Variants in ADAM23 observed in about 807,000 individuals in gnomAD.
The protein encoded by ADAM23 is ADAM metallopeptidase domain 23.
A neutral mutation model predicts 120.1 loss-of-function variants in ADAM23; 33 were observed. The ratio of observed to expected loss-of-function variants is 0.27; its 90% CI spans 0.21 to 0.37. ADAM23 has a LOEUF of 0.37. Among genes scored for constraint, ADAM23 ranks in the 10% least tolerant of loss-of-function variants. The probability of loss-of-function intolerance (pLI) is 1.00; values close to 1 mark genes in which losing one functional copy is unlikely to be tolerated. For missense variants in ADAM23, 862 were observed against 1,058.2 expected, an observed-to-expected ratio of 0.81 and a Z score of 2.57; for synonymous variants, 367 against 375.2, an observed-to-expected ratio of 0.98 and a Z score of 0.25.
chr2:206,590,816 G>A (rs1036377858), intron 21 of ADAM23, among the ~76,000 whole-genome samples: 4 of 152,210 alleles, frequency 2.6e-5, no homozygotes, highest in Non-Finnish European at 5.9e-5. Context: ...GGAGCCTGAA[G>A]TAGTCAAAAT....
At chr2:206,505,673 G>T (rs903978135) in intron 3 of ADAM23, among the ~76,000 whole-genome samples, 8 of 152,292 alleles carry the variant, frequency 5.3e-5, no homozygotes, top group Admixed American at 5.2e-4. Context: ...CCTCCCTCAT[G>T]ATCCAGTCAC....
chr2:206,531,960 T>A (rs1234872368), intron 4 of ADAM23, among the ~76,000 whole-genome samples: 1 of 152,234 alleles, frequency 6.6e-6, no homozygotes, highest in Non-Finnish European at 1.5e-5. Context: ...TTTATAACAT[T>A]TCAATTTGTA....
chr2:206,463,715 C>T (rs1695476721), intron 2 of ADAM23, among the ~76,000 whole-genome samples: 1 of 152,188 alleles, frequency 6.6e-6, no homozygotes. Flanking sequence ...TTAATGACCT[C>T]GTTGTCCCCG....
At chr2:206,547,354 GA>G (rs1697419467) in intron 6 of ADAM23, 74 bp from the exon 7 acceptor site, 1 of 1,231,006 alleles carries the variant, frequency 8.1e-7, no homozygotes. Flanking sequence ...GGACATTAGA[GA>G]AAGTTCCAAC....
At chr2:206,486,118 G>A (rs147886957) in intron 3 of ADAM23, among the ~76,000 whole-genome samples, 117 of 152,316 alleles carry the variant, frequency 7.7e-4, no homozygotes, top group African/African-American at 2.6e-3. Context: ...AGGAGTGTGG[G>A]TCTGAAGCCA....
chr2:206,515,132 C>T (rs1474805926), intron 3 of ADAM23, among the ~76,000 whole-genome samples: 2 of 152,032 alleles, frequency 1.3e-5, no homozygotes, highest in Non-Finnish European at 2.9e-5. Context: ...TGTTATCATC[C>T]ATGAATTTCA....
intron 4 of ADAM23, among the ~76,000 whole-genome samples, chr2:206,536,041 T>G (rs1359071708): frequency 6.6e-6 from 1 of 152,238 alleles, no homozygotes; most frequent in African/African-American, 2.4e-5. Context: ...ACCCACCCTC[T>G]TCATCAAACA....
At chr2:206,530,375 A>G (rs1268277707) in intron 3 of ADAM23, among the ~76,000 whole-genome samples, 1 of 152,006 alleles carries the variant, frequency 6.6e-6, no homozygotes, top group Non-Finnish European at 1.5e-5. Context: ...TTTGCTTTAT[A>G]CTCTTCCTTG....
chr2:206,576,170 T>C (rs1301208418), intron 18 of ADAM23, among the ~76,000 whole-genome samples: 1 of 152,174 alleles, frequency 6.6e-6, no homozygotes, highest in East Asian at 1.9e-4. Context: ...TTGTAGGTTC[T>C]GTGTTTAATG....
chr2:206,554,778 T>C (rs1474788721), intron 9 of ADAM23, among the ~76,000 whole-genome samples: 1 of 152,180 alleles, frequency 6.6e-6, no homozygotes, highest in African/African-American at 2.4e-5. Context: ...ATATTTGTTT[T>C]AGGCGAAACA....
At chr2:206,609,585 A>G (rs1288728441) in intron 24 of ADAM23, among the ~76,000 whole-genome samples, 1 of 152,170 alleles carries the variant, frequency 6.6e-6, no homozygotes, top group Non-Finnish European at 1.5e-5. Context: ...TACTTATTTG[A>G]TACATGATAC....
intron 4 of ADAM23, among the ~76,000 whole-genome samples, chr2:206,541,801 A>G (rs1029495828): frequency 2.6e-5 from 4 of 152,220 alleles, no homozygotes; most frequent in African/African-American, 9.6e-5. Context: ...TGTATGTTTT[A>G]TTAATTACCT....
intron 15 of ADAM23, among the ~76,000 whole-genome samples, chr2:206,568,383 C>A (rs1697931397): frequency 6.6e-6 from 1 of 152,108 alleles, no homozygotes; most frequent in Admixed American, 6.6e-5. Flanking sequence ...TTGTGGAAAA[C>A]ACATTTGACA....
chr2:206,579,423 T>C (rs188453553), intron 18 of ADAM23, among the ~76,000 whole-genome samples: 1 of 152,160 alleles, frequency 6.6e-6, no homozygotes, highest in South Asian at 2.1e-4. Flanking sequence ...AGGTGAGAGA[T>C]GAAGATCCAG....
rs187036598 is a variant in ADAM23 at position 206,549,615 on chromosome 2, T to A, written c.868-480T>A. Among the ~76,000 whole-genome samples, 10 of 152,138 alleles carry A rather than the reference T, an allele frequency of 6.6e-5. No individual in the cohort carries two copies. The East Asian group carries it at 1.9e-3, about 29-fold the overall frequency. ...AGAATTTCACTCGAGTGAGTTAATGTTTCTATTTAACTACATTGATATCTG... is the reference window on the plus strand; with the variant it reads ...AGAATTTCACTCGAGTGAGTTAATGATTCTATTTAACTACATTGATATCTG... On this transcript the variant is annotated intron_variant, in intron 8 of 25. Coordinates refer to ENST00000264377, the MANE Select transcript of ADAM23 (RefSeq NM_003812.4).
At chr2:206,445,670 G>A (rs1695069047) in intron 2 of ADAM23, 146 bp downstream of exon 2, 1 of 705,832 alleles carries the variant, frequency 1.4e-6, no homozygotes, top group Non-Finnish European at 2.4e-6. Flanking sequence ...GAAACTGGAA[G>A]GAATTAACTT....
intron 2 of ADAM23, among the ~76,000 whole-genome samples, chr2:206,458,788 A>G (rs960654775): frequency 3.9e-5 from 6 of 152,128 alleles, no homozygotes; most frequent in Admixed American, 3.3e-4. Flanking sequence ...CTTTTCCCCA[A>G]CTCACCAAAC....
chr2:206,562,112 T>C, intron 12 of ADAM23, 91 bp from the exon 13 acceptor site: 1 of 1,077,670 alleles, frequency 9.3e-7, no homozygotes, highest in Non-Finnish European at 1.4e-6. Context: ...CTTAGGGAAC[T>C]GAGAAGATTT....
At chr2:206,452,601 G>A (rs569782643) in intron 2 of ADAM23, among the ~76,000 whole-genome samples, 8 of 152,128 alleles carry the variant, frequency 5.3e-5, no homozygotes, top group African/African-American at 1.2e-4. Context: ...AAGGCTAGGA[G>A]TTTGAGAGCA....
Sources: gnomAD v4.1 joint callset for allele counts (sites outside exome capture counted in the v4.1 genomes callset) on GRCh38, gnomAD v4.1.1 for gene constraint, MANE v1.5 for transcripts, NCBI Gene and HGNC (gene_info 2026-07-23, HGNC 2026-07-21) for gene names.